RFX2: variants seen among roughly 807,000 people sequenced by gnomAD.
RFX2 encodes the protein regulatory factor X2, also known as DNA-binding protein RFX2.
In RFX2, 20 loss-of-function variants were observed where a neutral mutation model predicts 87.8. The ratio of observed to expected loss-of-function variants is 0.23; its 90% confidence interval spans 0.16 to 0.33. The LOEUF (loss-of-function observed/expected upper bound fraction) is 0.33, where lower values mean the gene tolerates loss of function less well. Among genes scored for constraint, RFX2 ranks in the 10% least tolerant of loss-of-function variants. The pLI is 1.00. For missense variants in RFX2, 767 were observed against 1,012.3 expected (o/e 0.76, Z 3.29); for synonymous variants, 397 against 431.3 (o/e 0.92, Z 0.98).
chr19:6,061,276 T>C lies in RFX2; in HGVS notation c.-8-13772A>G, dbSNP rs1449491674. ...CCAATTTTCTTTCACATTGGGGTGATTCAAAAGATAACAATGTCTTCTCAT... is the reference window on the plus strand; with the variant it reads ...CCAATTTTCTTTCACATTGGGGTGACTCAAAAGATAACAATGTCTTCTCAT... On this transcript the variant is annotated intron_variant, in intron 1 of 17. Transcript: ENST00000303657. This position sits in a 1 kb window ranked among gnomAD's most constrained non-coding sequence, Gnocchi z 5.2. Among the ~76,000 whole-genome samples, 3 of 152,238 alleles carry C rather than the reference T, an allele frequency of 2.0e-5. No homozygotes were observed. Among genetic ancestry groups the C allele is most frequent in the African/African-American group, 7.2e-5 (3 of 41,460 alleles).
chr19:6,094,125 C>A (rs1231196105), intron 1 of RFX2, among the ~76,000 whole-genome samples: 1 of 152,084 alleles, frequency 6.6e-6, no homozygotes, highest in Non-Finnish European at 1.5e-5. Flanking sequence ...CTAAAGAATT[C>A]GTATGTATGT....
In RFX2 at chr19:6,007,409, C is replaced by T. The variant is rs1207312698; in HGVS notation, c.1248-243G>A. On this transcript the variant is annotated intron_variant, in intron 11 of 17. Transcript: ENST00000303657. The surrounding 1 kb of genome is among the most constrained non-coding windows in gnomAD (Gnocchi z 8.2). ...TGCCAGTGGTCATACTGTCATACTGCGTCTCACTGCAGCTATGGGTTGGGG... is the reference window on the plus strand; with the variant it reads ...TGCCAGTGGTCATACTGTCATACTGTGTCTCACTGCAGCTATGGGTTGGGG... 3.3e-5 allele frequency among the ~76,000 whole-genome samples: 5 copies of T among 152,160 alleles called. No individual in the cohort carries two copies. Among genetic ancestry groups the T allele is most frequent in the African/African-American group, 4.8e-5 (2 of 41,442 alleles).
At chr19:6,108,008 C>T (rs1343586386) in intron 1 of RFX2, among the ~76,000 whole-genome samples, 2 of 152,202 alleles carry the variant, frequency 1.3e-5, no homozygotes, top group Non-Finnish European at 2.9e-5. Flanking sequence ...ATAACTGTCT[C>T]TCTCTTCTCA....
chr19:6,067,064 G>A (rs1233832772), intron 1 of RFX2, among the ~76,000 whole-genome samples: 1 of 152,152 alleles, frequency 6.6e-6, no homozygotes, highest in Non-Finnish European at 1.5e-5. Context: ...ACCCAAGGAG[G>A]AACAACTCTC....
At chr19:6,097,075 C>T (rs1227751406) in intron 1 of RFX2, among the ~76,000 whole-genome samples, 1 of 152,034 alleles carries the variant, frequency 6.6e-6, no homozygotes, top group Non-Finnish European at 1.5e-5. Context: ...GGTGGTGGGA[C>T]CTATAGGAAG....
chr19:6,092,935 C>A (rs1259244969), intron 1 of RFX2, among the ~76,000 whole-genome samples: 1 of 151,678 alleles, frequency 6.6e-6, no homozygotes, highest in East Asian at 1.9e-4. Flanking sequence ...GGACTTAGGG[C>A]AACGGACACG....
At chr19:6,099,660 G>A (rs1002454974) in intron 1 of RFX2, among the ~76,000 whole-genome samples, 6 of 152,076 alleles carry the variant, frequency 3.9e-5, no homozygotes, top group Non-Finnish European at 8.8e-5. Context: ...CTGTGGCAGG[G>A]GTAGCTGTCT....
chr19:6,084,026 G>A (rs777451059), intron 1 of RFX2, among the ~76,000 whole-genome samples: 5 of 152,096 alleles, frequency 3.3e-5, no homozygotes, highest in Non-Finnish European at 5.9e-5. Context: ...GAGAATTCTC[G>A]GCAGAGAAGA....
At chr19:6,031,493 G>T (rs1421396164) in intron 5 of RFX2, among the ~76,000 whole-genome samples, 1 of 123,968 alleles carries the variant, frequency 8.1e-6, no homozygotes, top group Admixed American at 1.1e-4. Context: ...GCAGTGTTGC[G>T]ATCTTGGCTC....
Position 5,999,334 on chromosome 19 carries a change from G to A in RFX2, c.1860-2121C>T, listed in dbSNP as rs558547958. ...AAGAGCACCCCCACCTTGCAGACGT[G>A]ACCCCGATCCCCTCCAGCTCTGAGC... On this transcript the variant is annotated intron_variant, in intron 15 of 17. Coordinates refer to ENST00000303657, the MANE Select transcript of RFX2 (RefSeq NM_000635.4). The surrounding 1 kb of genome is among the most constrained non-coding windows in gnomAD (Gnocchi z 4.1). Among the ~76,000 whole-genome samples, 5 of 152,244 alleles carry A rather than the reference G, an allele frequency of 3.3e-5. No homozygotes were observed. Among genetic ancestry groups the A allele is most frequent in the African/African-American group, 1.2e-4 (5 of 41,558 alleles).
intron 1 of RFX2, among the ~76,000 whole-genome samples, chr19:6,055,411 T>C (rs115054623): frequency 0.022 from 3,282 of 152,276 alleles, 118 homozygotes; most frequent in African/African-American, 0.075. Context: ...AGCATGTTCA[T>C]AGCAGCTTTT....
chr19:6,056,311 C>T lies in RFX2; in HGVS notation c.-8-8807G>A, dbSNP rs1349757112. On this transcript the variant is annotated intron_variant, in intron 1 of 17. Coordinates refer to ENST00000303657, the MANE Select transcript of RFX2 (RefSeq NM_000635.4). The surrounding 1 kb of genome is among the most constrained non-coding windows in gnomAD (Gnocchi z 4.6). ...TAGAGGGTGGTGGCTTCATAAGTTT[C>T]ATTGCATTGTGTATTTACTTTGTGG... Among the ~76,000 whole-genome samples, 1 of 152,186 alleles carries T rather than the reference C, an allele frequency of 6.6e-6. No homozygotes were observed. Among genetic ancestry groups the T allele is most frequent in the Non-Finnish European group, 1.5e-5 (1 of 68,026 alleles).
intron 1 of RFX2, among the ~76,000 whole-genome samples, chr19:6,092,953 T>TAA (rs142775072): frequency 2.3e-4 from 35 of 151,478 alleles, no homozygotes; most frequent in South Asian, 2.3e-3. Context: ...ACGCATGTGG[T>TAA]AAAAAAAAGG....
At position 6,007,495 on chromosome 19, in the gene RFX2, G is replaced by A. The variant is rs1467962567; in HGVS notation, c.1247+195C>T. 6.6e-6 allele frequency among the ~76,000 whole-genome samples: 1 copy of A among 152,176 alleles called. No individual in the cohort carries two copies. The highest frequency in any genetic ancestry group is 1.5e-5 in the Non-Finnish European group (1 of 68,024). ...AAAATCCTCCCTATTCAAACAGTCT[G>A]ACCCTGCAAAGGGGCGGATGGCAAT... On this transcript the variant is annotated intron_variant, in intron 11 of 17. Coordinates refer to ENST00000303657, the MANE Select transcript of RFX2 (RefSeq NM_000635.4). This position sits in a 1 kb window ranked among gnomAD's most constrained non-coding sequence, Gnocchi z 8.2.
At chr19:6,051,481 C>G (rs564015839) in intron 1 of RFX2, among the ~76,000 whole-genome samples, 125 of 152,188 alleles carry the variant, frequency 8.2e-4, no homozygotes, top group Middle Eastern at 6.8e-3. Flanking sequence ...TAACAATGCA[C>G]ATTGTAACCT....
Position 6,044,422 on chromosome 19 carries a change from G to T in RFX2, c.91-140C>A. 1.0e-5 allele frequency: 5 copies of T among 498,254 alleles called. No homozygotes were observed. 30.9% of individuals were successfully genotyped at this position (498,254 alleles called of 1,614,324 possible). A position where few individuals can be genotyped will look rare whatever the true frequency, so the allele number is the denominator to read the frequency against. ...AGGACTGATCAGAGGCGACGGCGGG[G>T]TGATGGTCAGACTTGCACACTCACA... On this transcript the variant is annotated intron_variant, in intron 2 of 17. Transcript: ENST00000303657. The surrounding 1 kb of genome is among the most constrained non-coding windows in gnomAD (Gnocchi z 5.3).
rs141504032 is a variant in RFX2, at chr19:6,019,585, G to GATATATATATATAT, written c.598-3328_598-3315dup. ...ACTTTTTTTTTTTTTTAGAGACAGG[G>GATATATATATATAT]ATATATATATATATATATATTTAGA... On this transcript the variant is annotated intron_variant, in intron 6 of 17. Transcript: ENST00000303657. Among the ~76,000 whole-genome samples, 260 of 129,444 alleles carry GATATATATATATAT rather than the reference G, an allele frequency of 2.0e-3. 1 individual carries two copies. The highest frequency in any genetic ancestry group is 7.8e-3 in the African/African-American group (251 of 31,990). 84.9% of individuals were successfully genotyped at this position (129,444 alleles called of 152,430 possible).
At chr19:6,018,800 C>T (rs982124888) in intron 6 of RFX2, among the ~76,000 whole-genome samples, 24 of 152,300 alleles carry the variant, frequency 1.6e-4, no homozygotes, top group Non-Finnish European at 2.8e-4. Context: ...AGGAGGGCTT[C>T]AGACCTCCTG....
Position 6,044,298 on chromosome 19 carries a change from G to A in RFX2, c.91-16C>T, listed in dbSNP as rs1382856616. On this transcript the variant is annotated splice_polypyrimidine_tract_variant and intron_variant, in intron 2 of 17. Coordinates refer to ENST00000303657, the MANE Select transcript of RFX2 (RefSeq NM_000635.4). The surrounding 1 kb of genome is among the most constrained non-coding windows in gnomAD (Gnocchi z 5.3). ...CCAACACCCTCTAAAAGGGAAGGGA[G>A]AGAAGGCCAGTTAGACTTGTCAGAG... The A allele has an allele frequency of 6.7e-7, 1 of 1,495,246 alleles. No homozygotes were observed. The highest frequency in any genetic ancestry group is 1.4e-5 in the African/African-American group (1 of 71,238). The allele number at this position is 1,495,246 out of a possible 1,614,324, so 92.6% of individuals were successfully genotyped here. A position where few individuals can be genotyped will look rare whatever the true frequency, so the allele number is the denominator to read the frequency against.
Sources: allele counts gnomAD v4.1 joint callset (sites outside exome capture counted in the v4.1 genomes callset), GRCh38; gene constraint gnomAD v4.1.1; non-coding constraint Gnocchi (gnomAD v3.1); transcripts MANE v1.5; gene names NCBI Gene and HGNC (gene_info 2026-07-23, HGNC 2026-07-21).